Variants in MAFF observed in about 807,000 individuals in gnomAD.
The protein encoded by MAFF is transcription factor MafF.
MAFF carries 4 observed loss-of-function variants against 2.7 expected under a neutral mutation model. The ratio of observed to expected loss-of-function variants is 1.48; its 90% CI spans 0.73 to 3.39. MAFF has a LOEUF of 3.39. MAFF is among the 30% of genes most tolerant of loss of function. The probability of loss-of-function intolerance (pLI) is 0.01; values close to 1 mark genes in which losing one functional copy is unlikely to be tolerated. For synonymous variants in MAFF, 113 were observed against 119.4 expected, an observed-to-expected ratio of 0.95 and a Z score of 0.35; for missense variants, 190 against 246.6, an observed-to-expected ratio of 0.77 and a Z score of 1.54.
chr22:38,214,361 G>C lies in MAFF; in HGVS notation c.37-59G>C. ...TAAGGCGGTGAAAGAGGAACACCGC[G>C]GGTGGAGCGGGGGGGCCCGTCCCCA... On this transcript the variant is annotated intron_variant, in intron 2 of 2. Coordinates refer to ENST00000338483, the MANE Select transcript of MAFF (RefSeq NM_012323.4). This position sits in a 1 kb window ranked among gnomAD's most constrained non-coding sequence, Gnocchi z 6.3. 1.4e-6 allele frequency: 2 copies of C among 1,460,678 alleles called. No homozygotes were observed. The highest frequency in any genetic ancestry group is 4.4e-5 in the Admixed American group (2 of 45,720). The allele number at this position is 1,460,678 out of a possible 1,614,324, so 90.5% of individuals were successfully genotyped here. A position where few individuals can be genotyped will look rare whatever the true frequency, so the allele number is the denominator to read the frequency against.
In MAFF at chr22:38,214,038, C is replaced by T; in HGVS notation, c.36+149C>T. On this transcript the variant is annotated intron_variant, in intron 2 of 2. Transcript: ENST00000338483. The surrounding 1 kb of genome is among the most constrained non-coding windows in gnomAD (Gnocchi z 6.3). Reference sequence around the variant, plus strand: ...ATGATGCCAAAGGGAAGGGCCACAGCCATGGGCTGGGACCAGGAGGCCTGG... The same window carrying T: ...ATGATGCCAAAGGGAAGGGCCACAGTCATGGGCTGGGACCAGGAGGCCTGG... 1.2e-6 allele frequency: 1 copy of T among 829,912 alleles called. No individual in the cohort carries two copies. The highest frequency in any genetic ancestry group is 1.7e-5 in the South Asian group (1 of 60,104). 51.4% of individuals were successfully genotyped at this position (829,912 alleles called of 1,614,324 possible).
Position 38,215,082 on chromosome 22 carries a change from G to A in MAFF, c.*204G>A. The A allele has an allele frequency of 3.8e-6, 2 of 529,044 alleles. No individual in the cohort carries two copies. The highest frequency in any genetic ancestry group is 2.4e-5 in the South Asian group (1 of 41,972). 32.8% of individuals were successfully genotyped at this position (529,044 alleles called of 1,614,324 possible). The stretch of plus-strand genomic sequence containing the variant: ...ACCCTGGGAAGGGGAACTTGGGTAG[G>A]TTGGGGATGGGGCAGAGGTCTGGAT... On this transcript the variant is annotated 3_prime_UTR_variant, in exon 3 of 3. Coordinates refer to ENST00000338483, the MANE Select transcript of MAFF (RefSeq NM_012323.4).
In MAFF at chr22:38,214,094, T is replaced by G. The variant is rs532817929; in HGVS notation, c.36+205T>G. ...GGTCACAGGCTGCATGTCCCTGGGG[T>G]AGGTCACTTCCCTCTCCAGGCCTCC... On this transcript the variant is annotated intron_variant, in intron 2 of 2. Transcript: ENST00000338483. The surrounding 1 kb of genome is among the most constrained non-coding windows in gnomAD (Gnocchi z 6.3). Among the ~76,000 whole-genome samples, 3 of 152,292 alleles carry G rather than the reference T, an allele frequency of 2.0e-5. No homozygotes were observed. Among genetic ancestry groups the G allele is most frequent in the Admixed American group, 2.0e-4 (3 of 15,298 alleles).
chr22:38,203,357 G>A (rs4821764), intron 1 of MAFF: 87,952 of 152,196 alleles, frequency 0.58, 25,631 homozygotes, highest in East Asian at 0.65. Flanking sequence ...AAGTGGGACT[G>A]GTGAGACTAG....
At chr22:38,207,423 C>CTTTTTTTTTTT (rs71195092) in intron 1 of MAFF, among the ~76,000 whole-genome samples, 3 of 78,298 alleles carry the variant, frequency 3.8e-5, no homozygotes, top group Non-Finnish European at 7.0e-5. Context: ...GCTTGGCCAT[C>CTTTTTTTTTTT]TTTTTTTTTT....
rs543055770 is a variant in MAFF, at chr22:38,207,959, G to C, written c.-32+5747G>C. Among the ~76,000 whole-genome samples, 284 of 152,278 alleles carry C rather than the reference G, an allele frequency of 1.9e-3. 1 individual carries two copies. The highest frequency in any genetic ancestry group is 6.7e-3 in the African/African-American group (278 of 41,552). On this transcript the variant is annotated intron_variant, in intron 1 of 2. Transcript: ENST00000338483. ...CAGGTTTCAGTCCTGGGCCTTTGCAGCTATTCATTCACACCTATTGTGTGA... is the reference window on the plus strand; with the variant it reads ...CAGGTTTCAGTCCTGGGCCTTTGCACCTATTCATTCACACCTATTGTGTGA...
chr22:38,207,486 G>A (rs895353418), intron 1 of MAFF, among the ~76,000 whole-genome samples: 1 of 141,828 alleles, frequency 7.1e-6, no homozygotes, highest in African/African-American at 2.6e-5. Flanking sequence ...TGTCACCCAG[G>A]CTGGAGTGCA....
intron 1 of MAFF, among the ~76,000 whole-genome samples, chr22:38,206,338 TCC>T (rs1234972567): frequency 9.1e-6 from 1 of 110,480 alleles, no homozygotes; most frequent in South Asian, 3.2e-4. Flanking sequence ...TGCCTATGCC[TCC>T]TTTTTTTTTT....
chr22:38,213,902 C>T lies in MAFF; in HGVS notation c.36+13C>T, dbSNP rs1191591245. 3 of 1,613,940 alleles carry T rather than the reference C, an allele frequency of 1.9e-6. No individual in the cohort carries two copies. Among genetic ancestry groups the T allele is most frequent in the Admixed American group, 1.7e-5 (1 of 60,004 alleles). On this transcript the variant is annotated intron_variant, in intron 2 of 2. Transcript: ENST00000338483. ...CAAAGCTCTAAAGGTGAGGAGGCAG[C>T]CTCTGTCAACCCAGTGAAGCCCTCC...
intron 1 of MAFF, among the ~76,000 whole-genome samples, chr22:38,206,389 T>TG (rs2091052200): frequency 6.8e-6 from 1 of 147,294 alleles, no homozygotes; most frequent in Non-Finnish European, 1.5e-5. Context: ...TTGCCCAGGC[T>TG]GGAGTCCAGT....
chr22:38,208,602 C>A (rs2091071728), intron 1 of MAFF, among the ~76,000 whole-genome samples: 1 of 152,172 alleles, frequency 6.6e-6, no homozygotes, highest in African/African-American at 2.4e-5. Context: ...TGACCATCCA[C>A]CCTTCCCCAG....
At chr22:38,213,960 C>A in intron 2 of MAFF, 71 bp downstream of exon 2, 1 of 1,524,670 alleles carries the variant, frequency 6.6e-7, no homozygotes, top group Non-Finnish European at 9.1e-7. Context: ...CTCATCCCAA[C>A]TTCCCCTTCT....
chr22:38,204,226 C>T (rs746816491), intron 1 of MAFF, among the ~76,000 whole-genome samples: 6 of 152,154 alleles, frequency 3.9e-5, no homozygotes, highest in Non-Finnish European at 8.8e-5. Flanking sequence ...AGCTCAGCAG[C>T]GGACACAAAC....
In MAFF at chr22:38,216,445, A is replaced by AT. The variant is rs1445138580; in HGVS notation, c.*1568dup. 1 of 167,078 alleles carries AT rather than the reference A, an allele frequency of 6.0e-6. No homozygotes were observed. The highest frequency in any genetic ancestry group is 1.5e-5 in the Non-Finnish European group (1 of 68,104). The allele number at this position is 167,078 out of a possible 1,614,324, so 10.3% of individuals were successfully genotyped here. A position where few individuals can be genotyped will look rare whatever the true frequency, so the allele number is the denominator to read the frequency against. On this transcript the variant is annotated 3_prime_UTR_variant, in exon 3 of 3. Coordinates refer to ENST00000338483, the MANE Select transcript of MAFF (RefSeq NM_012323.4). ...TTTCCTGACTTACAGCAAGCGAGTT[A>AT]TCGTCTTCTGTATTTTGTAGACTTT...
In MAFF at chr22:38,202,776, C is replaced by T. The variant is rs1392045425; in HGVS notation, c.-32+564C>T. 6.6e-6 allele frequency: 1 copy of T among 152,140 alleles called. No homozygotes were observed. Among genetic ancestry groups the T allele is most frequent in the Non-Finnish European group, 1.5e-5 (1 of 68,046 alleles). The allele number at this position is 152,140 out of a possible 1,614,324, so 9.4% of individuals were successfully genotyped here. A position where few individuals can be genotyped will look rare whatever the true frequency, so the allele number is the denominator to read the frequency against. On this transcript the variant is annotated intron_variant, in intron 1 of 2. Coordinates refer to ENST00000338483, the MANE Select transcript of MAFF (RefSeq NM_012323.4). The surrounding 1 kb of genome is among the most constrained non-coding windows in gnomAD (Gnocchi z 7.4). ...AGTGTGTACCTCGGAGAGGGCGTGC[C>T]CTGGGCCGGCCACCGGAGTAAACGC...
At chr22:38,210,561 C>T (rs1321528153) in intron 1 of MAFF, among the ~76,000 whole-genome samples, 2 of 150,936 alleles carry the variant, frequency 1.3e-5, no homozygotes, top group Non-Finnish European at 2.9e-5. Context: ...CAAATAACCA[C>T]CATATATGTG....
Position 38,213,825 on chromosome 22 carries a change from C to T in MAFF, c.-29C>T, listed in dbSNP as rs746196239. 4 of 1,612,488 alleles carry T rather than the reference C, an allele frequency of 2.5e-6. No homozygotes were observed. The highest frequency in any genetic ancestry group is 1.7e-6 in the Non-Finnish European group (2 of 1,178,466). On this transcript the variant is annotated splice_region_variant and 5_prime_UTR_variant, in exon 2 of 3. Transcript: ENST00000338483. ...CTTTGACCTCCTTTCTACCCTAGGT[C>T]TGCAGCCCAGAGGGCACCTTCTGCA...
intron 1 of MAFF, among the ~76,000 whole-genome samples, chr22:38,213,189 A>AT (rs2091115098): frequency 3.0e-5 from 1 of 33,000 alleles, no homozygotes; most frequent in Non-Finnish European, 6.5e-5. Flanking sequence ...AAAAAAAAAA[A>AT]AAAAAAAAAA....
intron 2 of MAFF, 105 bp downstream of exon 2, chr22:38,213,994 C>A: frequency 8.3e-7 from 1 of 1,211,556 alleles, no homozygotes; most frequent in Non-Finnish European, 1.2e-6. Flanking sequence ...CTGGGTGGCT[C>A]AGCAGGCACC....
Sources: gnomAD v4.1 joint callset for allele counts (sites outside exome capture counted in the v4.1 genomes callset) on GRCh38, gnomAD v4.1.1 for gene constraint, Gnocchi (gnomAD v3.1) non-coding constraint, MANE v1.5 for transcripts, NCBI Gene and HGNC (gene_info 2026-07-23, HGNC 2026-07-21) for gene names.